N4BP2L2: variants seen among roughly 807,000 people sequenced by gnomAD.
N4BP2L2 encodes the protein NEDD4 binding protein 2 like 2.
A neutral mutation model predicts 56.2 loss-of-function variants in N4BP2L2; 50 were observed. That is an observed-to-expected ratio of 0.89 (90% CI 0.71 to 1.13). The LOEUF (loss-of-function observed/expected upper bound fraction) is 1.13, where lower values mean the gene tolerates loss of function less well. Among genes scored for constraint, N4BP2L2 ranks in the 50% most tolerant of loss-of-function variants. N4BP2L2 has a pLI of 0.00. For missense variants in N4BP2L2, 689 were observed against 693.8 expected, an observed-to-expected ratio of 0.99 and a Z score of 0.08; for synonymous variants, 203 against 223.6, an observed-to-expected ratio of 0.91 and a Z score of 0.82.
intron 8 of N4BP2L2, chr13:32,436,537 C>T: frequency 2.6e-6 from 1 of 377,884 alleles, no homozygotes; most frequent in Non-Finnish European, 4.9e-6. Context: ...CGCCTGTAAT[C>T]CCAGCACTTT....
At chr13:32,437,525 G>C (rs1479228849) in intron 8 of N4BP2L2, among the ~76,000 whole-genome samples, 1 of 152,176 alleles carries the variant, frequency 6.6e-6, no homozygotes, top group African/African-American at 2.4e-5. Flanking sequence ...ACTAGGTTAG[G>C]TGAAGTACTG....
chr13:32,535,807 TAAAAGA>T, exon 2 of N4BP2L2: 1 of 1,614,154 alleles, frequency 6.2e-7, no homozygotes, highest in Admixed American at 1.7e-5. Flanking sequence ...GCAGACCTCT[TAAAAGA>T]ATAAGTAACT....
intron 9 of N4BP2L2, among the ~76,000 whole-genome samples, chr13:32,435,153 T>C (rs1482274144): frequency 6.6e-6 from 1 of 152,190 alleles, no homozygotes; most frequent in African/African-American, 2.4e-5. Context: ...ATCAAATCCC[T>C]ACAACATAAA....
rs1264163894 is a variant in N4BP2L2, at chr13:32,442,687, AAC to A, written c.1803_1804del (p.Leu603AspfsTer10). On this transcript the variant is annotated frameshift_variant, in exon 7 of 10. Coordinates refer to the N4BP2L2 transcript ENST00000357505. LOFTEE classifies it high-confidence loss of function. ...TCTTGTCTGAGATTCGAAAGTCAAA[AAC>A]AGTTTCTTGTTTGTAAAAGATGGCT... 4 of 1,613,860 alleles carry A rather than the reference AAC, an allele frequency of 2.5e-6. No homozygotes were observed. The highest frequency in any genetic ancestry group is 1.7e-5 in the Admixed American group (1 of 60,008).
intron 2 of N4BP2L2, among the ~76,000 whole-genome samples, chr13:32,531,241 C>A (rs1017256564): frequency 8.5e-5 from 13 of 152,180 alleles, no homozygotes; most frequent in Non-Finnish European, 1.9e-4. Context: ...ACAGAAACTA[C>A]GAGGCAATAT....
chr13:32,495,299 T>C (rs1403234018), intron 6 of N4BP2L2, among the ~76,000 whole-genome samples: 2 of 152,172 alleles, frequency 1.3e-5, no homozygotes, highest in East Asian at 3.9e-4. Flanking sequence ...TAGCCCAGCA[T>C]ATTCTCAAGG....
exon 6 of N4BP2L2, chr13:32,516,789 T>C (rs1594015969): frequency 2.4e-6 from 1 of 410,646 alleles, no homozygotes; most frequent in Non-Finnish European, 3.3e-6. Context: ...AGAGAAGTAG[T>C]AGTGTTTTTT....
At chr13:32,537,617 A>G (rs2056867371) in intron 1 of N4BP2L2, among the ~76,000 whole-genome samples, 1 of 152,200 alleles carries the variant, frequency 6.6e-6, no homozygotes, top group Non-Finnish European at 1.5e-5. Context: ...AGTTAGCATA[A>G]AAGAGGTTCC....
chr13:32,521,561 A>G, intron 4 of N4BP2L2, 112 bp from the exon 5 acceptor site: 2 of 662,544 alleles, frequency 3.0e-6, no homozygotes, highest in Non-Finnish European at 5.2e-6. Context: ...CTCGACCAAG[A>G]AAAATGACGC....
At chr13:32,436,746 C>T (rs1221164826) in intron 8 of N4BP2L2, among the ~76,000 whole-genome samples, 15 of 121,172 alleles carry the variant, frequency 1.2e-4, no homozygotes. Context: ...GCTGAGATCA[C>T]GCCACTGCAC....
exon 6 of N4BP2L2, chr13:32,517,688 A>C (rs1191170460): frequency 1.9e-5 from 27 of 1,434,318 alleles, no homozygotes; most frequent in Non-Finnish European, 2.3e-5. Flanking sequence ...TGCTGGGAAC[A>C]TCCTTTGTGA....
At chr13:32,535,778 G>C (rs2056407386) in exon 2 of N4BP2L2, 2 of 1,612,534 alleles carry the variant, frequency 1.2e-6, no homozygotes, top group African/African-American at 2.7e-5. Context: ...CCGAGACAAT[G>C]TTGTTTTCCC....
intron 6 of N4BP2L2, among the ~76,000 whole-genome samples, chr13:32,460,065 T>A (rs1385513002): frequency 6.6e-6 from 1 of 152,114 alleles, no homozygotes; most frequent in African/African-American, 2.4e-5. Flanking sequence ...CATATGATCA[T>A]CTCAACAGAT....
chr13:32,461,581 T>C (rs2080079185), intron 6 of N4BP2L2, among the ~76,000 whole-genome samples: 1 of 152,108 alleles, frequency 6.6e-6, no homozygotes, highest in Non-Finnish European at 1.5e-5. Flanking sequence ...CAATGAGATA[T>C]CATTCTACCC....
intron 2 of N4BP2L2, among the ~76,000 whole-genome samples, chr13:32,531,421 T>A (rs2054765365): frequency 1.3e-5 from 2 of 152,230 alleles, no homozygotes; most frequent in South Asian, 4.1e-4. Context: ...GGTTTTTAAA[T>A]TTCTAAGAAC....
rs76861813 is a variant in N4BP2L2 at position 32,497,683 on chromosome 13, G to A, written c.365+20174C>T. The stretch of plus-strand genomic sequence containing the variant: ...AGGAGACTACACTATCAGAACAGCA[G>A]ATATGCCTCTCAGTAGAATGAGCCC... On this transcript the variant is annotated intron_variant, in intron 6 of 9. Coordinates refer to the N4BP2L2 transcript ENST00000357505. Among the ~76,000 whole-genome samples the A allele has an allele frequency of 1.3e-3, 198 of 152,334 alleles. 2 individuals are homozygous for A. In the East Asian group the frequency reaches 0.034, roughly 26 times the overall value.
intron 2 of N4BP2L2, among the ~76,000 whole-genome samples, chr13:32,529,311 C>T (rs2053968307): frequency 6.6e-6 from 1 of 152,198 alleles, no homozygotes; most frequent in African/African-American, 2.4e-5. Flanking sequence ...TACTTTTGCA[C>T]AAACCTCTAT....
intron 2 of N4BP2L2, among the ~76,000 whole-genome samples, chr13:32,530,694 T>G (rs1205714896): frequency 6.6e-6 from 1 of 152,062 alleles, no homozygotes; most frequent in Non-Finnish European, 1.5e-5. Flanking sequence ...AGAAATAATT[T>G]TGGCAAGTTA....
chr13:32,453,893 G>T (rs2078529254), intron 6 of N4BP2L2, among the ~76,000 whole-genome samples: 1 of 152,116 alleles, frequency 6.6e-6, no homozygotes, highest in Non-Finnish European at 1.5e-5. Flanking sequence ...CAGTGTAGGG[G>T]GCATTTGTGG....
Sources: gnomAD v4.1 joint callset for allele counts (sites outside exome capture counted in the v4.1 genomes callset) on GRCh38, gnomAD v4.1.1 for gene constraint, MANE v1.5 for transcripts, NCBI Gene and HGNC (gene_info 2026-07-23, HGNC 2026-07-21) for gene names.